PTK2: variants seen among roughly 807,000 people sequenced by gnomAD.
PTK2 encodes focal adhesion kinase 1.
In PTK2, 45 loss-of-function variants were observed where a neutral mutation model predicts 150.1. The observed-to-expected ratio is 0.30, with a 90% CI of 0.24 to 0.38. The LOEUF is 0.38. Ranked by LOEUF, PTK2 falls within the 10% of genes least tolerant of loss-of-function variation. The probability of loss-of-function intolerance (pLI) is 1.00; values close to 1 mark genes in which losing one functional copy is unlikely to be tolerated. For missense variants in PTK2, 919 were observed against 1,307.3 expected (o/e 0.70, Z 4.58); for synonymous variants, 432 against 449.2 (o/e 0.96, Z 0.48).
intron 14 of PTK2, 127 bp downstream of exon 14, chr8:140,789,347 T>C (rs919948651): frequency 4.7e-6 from 4 of 855,210 alleles, no homozygotes; most frequent in Admixed American, 5.8e-5. Flanking sequence ...TTATGCAAAT[T>C]TGGATAGCCA....
intron 14 of PTK2, among the ~76,000 whole-genome samples, chr8:140,768,381 A>C (rs1008672151): frequency 2.6e-5 from 4 of 152,240 alleles, no homozygotes; most frequent in Admixed American, 6.5e-5. Flanking sequence ...GAAAATACAT[A>C]CAAGTGTTTG....
chr8:140,890,437 TCCC>T (rs1257908244), intron 3 of PTK2, 103 bp downstream of exon 3: 2 of 907,234 alleles, frequency 2.2e-6, no homozygotes, highest in African/African-American at 3.4e-5. Flanking sequence ...ATATGAAAAG[TCCC>T]CGATAAGTTA....
chr8:140,914,812 G>C (rs2100164547), intron 2 of PTK2, among the ~76,000 whole-genome samples: 1 of 151,956 alleles, frequency 6.6e-6, no homozygotes, highest in African/African-American at 2.4e-5. Flanking sequence ...GAGGCGAGTG[G>C]ATCACATGAG....
intron 10 of PTK2, among the ~76,000 whole-genome samples, chr8:140,810,040 G>T (rs1438964117): frequency 2.6e-5 from 4 of 152,190 alleles, no homozygotes; most frequent in Non-Finnish European, 1.5e-5. Context: ...AACCCTGCAA[G>T]AGGCTACCAC....
At chr8:140,852,097 A>G (rs2154604792) in intron 5 of PTK2, among the ~76,000 whole-genome samples, 1 of 152,176 alleles carries the variant, frequency 6.6e-6, no homozygotes, top group East Asian at 1.9e-4. Context: ...ATATCAGGGC[A>G]TTAGGATTAA....
At chr8:140,962,651 C>A (rs1261365592) in intron 1 of PTK2, among the ~76,000 whole-genome samples, 1 of 151,916 alleles carries the variant, frequency 6.6e-6, no homozygotes, top group East Asian at 1.9e-4. Flanking sequence ...ATTAGCCGGG[C>A]GTGGTGGCTA....
chr8:140,717,980 G>C (rs2100040731), intron 22 of PTK2: 1 of 346,880 alleles, frequency 2.9e-6, no homozygotes, highest in South Asian at 3.8e-5. Flanking sequence ...AGAAAATGAA[G>C]GATGGGCCAA....
intron 20 of PTK2, among the ~76,000 whole-genome samples, chr8:140,740,643 T>A (rs2100055141): frequency 6.6e-6 from 1 of 152,248 alleles, no homozygotes; most frequent in Non-Finnish European, 1.5e-5. Flanking sequence ...GTTGTTCAAA[T>A]GATATGAAAA....
At chr8:140,680,520 C>A (rs1400623095) in intron 27 of PTK2, among the ~76,000 whole-genome samples, 1 of 152,188 alleles carries the variant, frequency 6.6e-6, no homozygotes, top group Non-Finnish European at 1.5e-5. Flanking sequence ...TCTGCATAAT[C>A]CTTCTATCCA....
chr8:140,949,537 A>T (rs1459646172), intron 1 of PTK2, among the ~76,000 whole-genome samples: 1 of 152,222 alleles, frequency 6.6e-6, no homozygotes, highest in East Asian at 1.9e-4. Flanking sequence ...AGGGCAGAGC[A>T]AAGTTGTGGC....
chr8:140,718,508 C>T (rs1440874024), intron 22 of PTK2: 2 of 152,198 alleles, frequency 1.3e-5, no homozygotes, highest in African/African-American at 4.8e-5. Context: ...TTGAAACCCT[C>T]GTCCTAACTG....
chr8:140,946,505 T>G (rs538469194), intron 1 of PTK2, among the ~76,000 whole-genome samples: 18 of 152,268 alleles, frequency 1.2e-4, no homozygotes, highest in African/African-American at 4.3e-4. Context: ...CAAATACTAT[T>G]AGGAAACAAG....
intron 5 of PTK2, among the ~76,000 whole-genome samples, chr8:140,860,105 T>C (rs182169464): frequency 6.6e-6 from 1 of 152,284 alleles, no homozygotes; most frequent in East Asian, 1.9e-4. Context: ...ACAACAGCAT[T>C]TAATGCTGTT....
At position 140,878,304 on chromosome 8, in the gene PTK2, A is replaced by G. The variant is rs185832833; in HGVS notation, c.362+1167T>C. 1.3e-3 allele frequency among the ~76,000 whole-genome samples: 192 copies of G among 152,234 alleles called. 1 individual carries two copies. The highest frequency in any genetic ancestry group is 2.2e-3 in the Non-Finnish European group (151 of 67,990). The stretch of plus-strand genomic sequence containing the variant: ...TAACTGGCGTAGGGTTTTATTCAAC[A>G]TAAGATTTATTCAGGCTGGGCATGG... On this transcript the variant is annotated intron_variant, in intron 4 of 31. Coordinates refer to ENST00000522684, the Ensembl canonical transcript of PTK2.
chr8:140,693,558 C>G (rs1420257078), intron 26 of PTK2, among the ~76,000 whole-genome samples: 3 of 90,902 alleles, frequency 3.3e-5, no homozygotes, highest in Non-Finnish European at 5.6e-5. Context: ...GAGACTTTGT[C>G]TCAATTAAAA....
At chr8:140,732,663 G>C in intron 22 of PTK2, 1 of 466,100 alleles carries the variant, frequency 2.1e-6, no homozygotes, top group Non-Finnish European at 4.4e-6. Context: ...AAGTGTTTTA[G>C]TCATCTTTGC....
At chr8:140,956,589 G>A (rs1467340520) in intron 1 of PTK2, among the ~76,000 whole-genome samples, 3 of 152,166 alleles carry the variant, frequency 2.0e-5, no homozygotes, top group African/African-American at 7.2e-5. Flanking sequence ...GGTCCTTTGG[G>A]AGGTATTCCA....
chr8:140,832,841 T>C (rs1003129518), intron 7 of PTK2: 11 of 518,498 alleles, frequency 2.1e-5, no homozygotes, highest in South Asian at 1.3e-4. Flanking sequence ...GTGCACGCCC[T>C]TCTAGTAGGG....
chr8:140,828,418 C>T (rs1017552762), intron 8 of PTK2, among the ~76,000 whole-genome samples: 2 of 152,170 alleles, frequency 1.3e-5, no homozygotes, highest in African/African-American at 4.8e-5. Context: ...CCTGTGGTTC[C>T]GTTTTGAATA....
Sources: allele counts gnomAD v4.1 joint callset (sites outside exome capture counted in the v4.1 genomes callset), GRCh38; gene constraint gnomAD v4.1.1; transcripts MANE v1.5; gene names NCBI Gene and HGNC (gene_info 2026-07-23, HGNC 2026-07-21).